The following ZFHX3 variants were observed in gnomAD, a reference collection of about 807,000 sequenced individuals.
ZFHX3 encodes zinc finger homeobox 3, also known as zinc finger homeobox protein 3.
ZFHX3 carries 42 observed loss-of-function variants against 279.1 expected under a neutral mutation model. The ratio of observed to expected loss-of-function variants is 0.15; its 90% CI spans 0.12 to 0.19. ZFHX3 has a LOEUF of 0.19. Ranked by LOEUF, ZFHX3 falls within the 10% of genes least tolerant of loss-of-function variation. ZFHX3 has a pLI of 1.00. For synonymous variants in ZFHX3, 2,293 were observed against 1,957.8 expected (o/e 1.17, Z -4.52); for missense variants, 4,981 against 4,754.0 (o/e 1.05, Z -1.40).
At chr16:73,727,223 G>A (rs2053526356) in intron 1 of ZFHX3, among the ~76,000 whole-genome samples, 1 of 152,208 alleles carries the variant, frequency 6.6e-6, no homozygotes, top group Admixed American at 6.5e-5. Context: ...GCAGGCAGCA[G>A]AGCTGCACAA....
chr16:73,657,748 C>T (rs1438585457), intron 2 of ZFHX3, among the ~76,000 whole-genome samples: 5 of 152,124 alleles, frequency 3.3e-5, no homozygotes, highest in Admixed American at 2.0e-4. Context: ...CATAAGGTTT[C>T]GAGATTCATC....
chr16:72,880,633 G>T (rs1423555882), intron 4 of ZFHX3, among the ~76,000 whole-genome samples: 1 of 152,134 alleles, frequency 6.6e-6, no homozygotes, highest in African/African-American at 2.4e-5. Flanking sequence ...TTTATAATAT[G>T]ACAATTTTTG....
intron 1 of ZFHX3, among the ~76,000 whole-genome samples, chr16:73,035,897 C>T (rs552979109): frequency 6.6e-6 from 1 of 152,200 alleles, no homozygotes; most frequent in Non-Finnish European, 1.5e-5. Context: ...GAGTGAGACC[C>T]TGTCTCAAAA....
chr16:72,918,550 T>C (rs1004982341), intron 3 of ZFHX3, among the ~76,000 whole-genome samples: 1 of 152,112 alleles, frequency 6.6e-6, no homozygotes, highest in East Asian at 1.9e-4. Flanking sequence ...AGGACAAAAG[T>C]ATCTCTACCC....
At chr16:73,560,640 G>A (rs901622286) in intron 2 of ZFHX3, among the ~76,000 whole-genome samples, 1 of 152,224 alleles carries the variant, frequency 6.6e-6, no homozygotes, top group Non-Finnish European at 1.5e-5. Context: ...GAGTGGCCCA[G>A]ACTGGGGATT....
At chr16:73,311,110 G>A (rs1011168885) in intron 4 of ZFHX3, among the ~76,000 whole-genome samples, 4 of 152,020 alleles carry the variant, frequency 2.6e-5, no homozygotes, top group African/African-American at 9.7e-5. Context: ...GCAGGCGCCT[G>A]TAATCCCAGC....
chr16:72,858,327 G>C lies in ZFHX3; in HGVS notation c.3449-28468C>G, dbSNP rs367811470. 3.1e-4 allele frequency among the ~76,000 whole-genome samples: 47 copies of C among 152,326 alleles called. No individual in the cohort carries two copies. The East Asian group carries it at 5.4e-3, about 18-fold the overall frequency. On this transcript the variant is annotated intron_variant, in intron 4 of 9. Transcript: ENST00000268489. ...TGGCAAACCTTTAAGGGTAATTCAA[G>C]CGACACTGATGTGAATCAATGTTCC...
chr16:72,960,886 A>T (rs1423808771), intron 1 of ZFHX3, among the ~76,000 whole-genome samples: 1 of 152,092 alleles, frequency 6.6e-6, no homozygotes, highest in East Asian at 1.9e-4. Flanking sequence ...CCATTTTACA[A>T]GCAGTAAAAC....
intron 3 of ZFHX3, among the ~76,000 whole-genome samples, chr16:73,378,531 C>A (rs566721900): frequency 6.6e-6 from 1 of 152,180 alleles, no homozygotes; most frequent in African/African-American, 2.4e-5. Context: ...AGGTTAAATG[C>A]TAAAGGTTAA....
At chr16:73,345,688 C>A (rs113546666) in intron 3 of ZFHX3, among the ~76,000 whole-genome samples, 95 of 152,208 alleles carry the variant, frequency 6.2e-4, no homozygotes, top group African/African-American at 2.1e-3. Flanking sequence ...GTGAGTAGTG[C>A]TGCAATGAAC....
At chr16:73,508,965 C>A (rs529154187) in intron 2 of ZFHX3, among the ~76,000 whole-genome samples, 3 of 152,282 alleles carry the variant, frequency 2.0e-5, no homozygotes, top group East Asian at 1.9e-4. Context: ...CTTAAGGCAA[C>A]TTTTAGACTC....
At chr16:73,033,330 C>T (rs1964776984) in intron 1 of ZFHX3, among the ~76,000 whole-genome samples, 1 of 152,138 alleles carries the variant, frequency 6.6e-6, no homozygotes, top group Non-Finnish European at 1.5e-5. Flanking sequence ...CCCCTCCCTT[C>T]CAGGCGCCTC....
At chr16:73,599,743 A>AAC (rs1555527361) in intron 2 of ZFHX3, among the ~76,000 whole-genome samples, 2 of 151,284 alleles carry the variant, frequency 1.3e-5, no homozygotes, top group African/African-American at 4.9e-5. Context: ...AAAAAAAAAA[A>AAC]AAACAACAAC....
At chr16:73,622,086 T>G (rs555100723) in intron 2 of ZFHX3, among the ~76,000 whole-genome samples, 1 of 152,352 alleles carries the variant, frequency 6.6e-6, no homozygotes, top group East Asian at 1.9e-4. Context: ...CAAAACTTCC[T>G]TCAACAGGAC....
At chr16:72,938,678 C>A (rs991096280) in intron 3 of ZFHX3, among the ~76,000 whole-genome samples, 3 of 152,194 alleles carry the variant, frequency 2.0e-5, no homozygotes, top group African/African-American at 7.2e-5. Flanking sequence ...CCCCAAAGCA[C>A]TAAACACTCA....
upstream of ZFHX3, among the ~76,000 whole-genome samples, chr16:73,049,706 C>CG (rs960639278): frequency 7.2e-5 from 11 of 151,898 alleles, no homozygotes; most frequent in Non-Finnish European, 2.9e-5. Flanking sequence ...CGTGAGAGCA[C>CG]GGGGGCCGGG....
chr16:72,939,996 A>C (rs1270131827), intron 3 of ZFHX3, among the ~76,000 whole-genome samples: 1 of 151,990 alleles, frequency 6.6e-6, no homozygotes, highest in Non-Finnish European at 1.5e-5. Context: ...GCTGGTCTTG[A>C]ACTCTCAGGC....
intron 2 of ZFHX3, among the ~76,000 whole-genome samples, chr16:73,501,024 G>T (rs825849): frequency 0.24 from 36,234 of 152,106 alleles, 5,016 homozygotes; most frequent in East Asian, 0.58. Context: ...TTATAGTAAG[G>T]GTCCTACACA....
chr16:72,921,068 T>A (rs2144237739), intron 3 of ZFHX3, among the ~76,000 whole-genome samples: 1 of 16,266 alleles, frequency 6.1e-5, no homozygotes, highest in Admixed American at 8.8e-4. Context: ...CCAGACCTTG[T>A]CAAAAAAAAA....
Sources: gnomAD v4.1 joint callset for allele counts (sites outside exome capture counted in the v4.1 genomes callset) on GRCh38, gnomAD v4.1.1 for gene constraint, MANE v1.5 for transcripts, NCBI Gene and HGNC (gene_info 2026-07-23, HGNC 2026-07-21) for gene names.